The following AK3 variants were observed in gnomAD, a reference collection of about 807,000 sequenced individuals.
AK3 encodes GTP:AMP phosphotransferase AK3, mitochondrial.
Under a neutral mutation model 23.7 loss-of-function variants are expected in AK3, and 27 were observed. That is an observed-to-expected ratio of 1.14 (90% CI 0.84 to 1.57). The LOEUF (loss-of-function observed/expected upper bound fraction) is 1.57. Among genes scored for constraint, AK3 ranks in the 40% most tolerant of loss-of-function variants. AK3 has a pLI of 0.00. For synonymous variants in AK3, 159 were observed against 116.0 expected (o/e 1.37, Z -2.38); for missense variants, 406 against 285.6 (o/e 1.42, Z -3.04).
At position 4,718,460 on chromosome 9, in the gene AK3, C is replaced by T; in HGVS notation, c.522G>A (p.Lys174=). The T allele has an allele frequency of 6.2e-7, 1 of 1,613,350 alleles. No individual in the cohort carries two copies. The highest frequency in any genetic ancestry group is 8.5e-7 in the Non-Finnish European group (1 of 1,179,804). ...CTGGCTTTGTTTGGTCTTCATAAGC[C>T]TTTAGTCTCTTGATAACCGTCTCTG... ...DKPETVIKRL[K]AYEDQTKPVL... Residue 174 remains lysine, a synonymous_variant, in exon 4 of 5, where the codon AAG becomes AAA. Transcript: ENST00000381809.
chr9:4,741,889 CT>C (rs1842443869), upstream of AK3: 1 of 152,732 alleles, frequency 6.5e-6, no homozygotes, highest in African/African-American at 2.4e-5. Flanking sequence ...CTTCCTCCTC[CT>C]CCTCTGCTGC....
chr9:4,740,679 T>G (rs1321418228), intron 1 of AK3, among the ~76,000 whole-genome samples: 1 of 152,054 alleles, frequency 6.6e-6, no homozygotes, highest in Non-Finnish European at 1.5e-5. Context: ...GGTGGTTTCC[T>G]TTCATCTCTG....
chr9:4,725,580 C>G (rs992514769), intron 1 of AK3, among the ~76,000 whole-genome samples: 2 of 151,544 alleles, frequency 1.3e-5, no homozygotes, highest in African/African-American at 2.4e-5. Context: ...ACCAGCCTGG[C>G]CAACATGGTG....
chr9:4,715,089 C>T (rs1463983802), intron 4 of AK3, among the ~76,000 whole-genome samples: 1 of 151,694 alleles, frequency 6.6e-6, no homozygotes, highest in Non-Finnish European at 1.5e-5. Flanking sequence ...CATGGTGGCA[C>T]GTGCCTGTAG....
intron 1 of AK3, among the ~76,000 whole-genome samples, chr9:4,740,420 G>C (rs946622734): frequency 6.6e-6 from 1 of 152,094 alleles, no homozygotes; most frequent in Non-Finnish European, 1.5e-5. Context: ...ACTGCAACAA[G>C]GGTAAATAAT....
Position 4,722,644 on chromosome 9 carries a change from A to C in AK3, c.152-19T>G, listed in dbSNP as rs764256078. On this transcript the variant is annotated intron_variant, in intron 1 of 4. Transcript: ENST00000381809. ...CCAATTTCTACAGCAAAGCGGGGAA[A>C]AAAATCAGTAAGTGCATTTGTTTTA... The C allele has an allele frequency of 6.2e-7, 1 of 1,614,120 alleles. No individual in the cohort carries two copies. The highest frequency in any genetic ancestry group is 1.1e-5 in the South Asian group (1 of 91,080).
chr9:4,736,303 A>G (rs1842292129), intron 1 of AK3, among the ~76,000 whole-genome samples: 1 of 152,104 alleles, frequency 6.6e-6, no homozygotes, highest in African/African-American at 2.4e-5. Context: ...AAGGTATAAA[A>G]CAGTATATAC....
intron 4 of AK3, among the ~76,000 whole-genome samples, chr9:4,713,675 T>A (rs1563780640): frequency 6.6e-6 from 1 of 152,140 alleles, no homozygotes; most frequent in African/African-American, 2.4e-5. Context: ...AAGTGTTGGT[T>A]TTATTGGGTT....
chr9:4,732,453 C>A (rs1227450998), intron 1 of AK3, among the ~76,000 whole-genome samples: 10 of 152,110 alleles, frequency 6.6e-5, no homozygotes, highest in Admixed American at 2.6e-4. Context: ...AGCCCTAACC[C>A]CAAAGTTGTT....
chr9:4,717,981 C>G (rs1287287605), intron 4 of AK3, among the ~76,000 whole-genome samples: 1 of 152,230 alleles, frequency 6.6e-6, no homozygotes, highest in Non-Finnish European at 1.5e-5. Flanking sequence ...ATGACTGGTT[C>G]TGCAGTAGGC....
intron 1 of AK3, among the ~76,000 whole-genome samples, chr9:4,729,275 G>A (rs148671688): frequency 1.7e-3 from 260 of 152,170 alleles, no homozygotes; most frequent in Non-Finnish European, 3.1e-3. Flanking sequence ...CTCCCAAAGT[G>A]CTGTGATTAC....
chr9:4,739,536 T>C (rs962248995), intron 1 of AK3, among the ~76,000 whole-genome samples: 3 of 150,642 alleles, frequency 2.0e-5, no homozygotes, highest in Non-Finnish European at 2.9e-5. Context: ...CAGAATGAAA[T>C]GGATTTGTCC....
At chr9:4,736,361 A>G (rs1842293324) in intron 1 of AK3, among the ~76,000 whole-genome samples, 1 of 152,082 alleles carries the variant, frequency 6.6e-6, no homozygotes, top group African/African-American at 2.4e-5. Flanking sequence ...AAAGAGAAGC[A>G]TAGGTAAACA....
chr9:4,713,652 A>C (rs1352154084), intron 4 of AK3, among the ~76,000 whole-genome samples: 2 of 152,102 alleles, frequency 1.3e-5, no homozygotes, highest in Non-Finnish European at 2.9e-5. Flanking sequence ...ATATTAACAG[A>C]AAGGGGAATA....
In AK3 at chr9:4,741,156, G is replaced by C. The variant is rs558314823; in HGVS notation, c.-69C>G. ...GCCTGGCCTGCGCGCTCACCCGCTC[G>C]GCAGCCTGCGCCGGCCGGCTAGCAG... is the stretch of plus-strand genomic sequence containing the variant. On this transcript the variant is annotated 5_prime_UTR_variant, in exon 1 of 5. Transcript: ENST00000381809. 1.1e-4 allele frequency: 151 copies of C among 1,328,058 alleles called. No homozygotes were observed. In the African/African-American group the frequency reaches 1.9e-3, roughly 17 times the overall value. The allele number at this position is 1,328,058 out of a possible 1,614,324, so 82.3% of individuals were successfully genotyped here.
At chr9:4,716,926 G>C (rs1841752288) in intron 4 of AK3, among the ~76,000 whole-genome samples, 1 of 152,102 alleles carries the variant, frequency 6.6e-6, no homozygotes, top group Non-Finnish European at 1.5e-5. Flanking sequence ...GTGAGACCCT[G>C]TCTCTAAAAT....
At chr9:4,724,490 G>A (rs1841975882) in intron 1 of AK3, among the ~76,000 whole-genome samples, 1 of 152,144 alleles carries the variant, frequency 6.6e-6, no homozygotes, top group Non-Finnish European at 1.5e-5. Flanking sequence ...CAATATTAGA[G>A]ATTCTAGCCA....
intron 1 of AK3, among the ~76,000 whole-genome samples, chr9:4,734,539 T>C (rs376119755): frequency 2.0e-5 from 3 of 152,186 alleles, no homozygotes; most frequent in Non-Finnish European, 4.4e-5. Flanking sequence ...GATGGATAGA[T>C]GGAGAGACAA....
chr9:4,727,661 G>C (rs1012357736), intron 1 of AK3, among the ~76,000 whole-genome samples: 1 of 152,106 alleles, frequency 6.6e-6, no homozygotes, highest in Non-Finnish European at 1.5e-5. Context: ...GCTTTCTTGT[G>C]CTCCAGTGTT....
Sources: gnomAD v4.1 joint callset for allele counts (sites outside exome capture counted in the v4.1 genomes callset) on GRCh38, gnomAD v4.1.1 for gene constraint, MANE v1.5 for transcripts, NCBI Gene and HGNC (gene_info 2026-07-23, HGNC 2026-07-21) for gene names.